The following SUGCT variants were observed in gnomAD, a reference collection of about 807,000 sequenced individuals.
SUGCT encodes the protein succinyl-CoA:glutarate CoA-transferase.
In SUGCT, 41 loss-of-function variants were observed where a neutral mutation model predicts 55.0. The observed-to-expected ratio is 0.74, with a 90% CI of 0.58 to 0.97. The LOEUF (loss-of-function observed/expected upper bound fraction) is 0.97. SUGCT is among the 50% of genes least tolerant of loss of function. The pLI, the probability that SUGCT is intolerant of heterozygous loss-of-function variation, is 0.00. For missense variants in SUGCT, 568 were observed against 547.8 expected (o/e 1.04, Z -0.37); for synonymous variants, 187 against 200.4 (o/e 0.93, Z 0.56).
At chr7:40,349,257 G>T (rs1797483832) in intron 9 of SUGCT, among the ~76,000 whole-genome samples, 1 of 152,206 alleles carries the variant, frequency 6.6e-6, no homozygotes, top group Non-Finnish European at 1.5e-5. Flanking sequence ...TTACAGGAGT[G>T]TGCAGGCTCA....
chr7:40,281,159 A>C (rs1792927571), intron 8 of SUGCT, among the ~76,000 whole-genome samples: 1 of 152,132 alleles, frequency 6.6e-6, no homozygotes, highest in African/African-American at 2.4e-5. Context: ...TGTACCCCTA[A>C]AGTCTTGTGG....
At chr7:40,713,661 T>C (rs1785850556) in intron 12 of SUGCT, among the ~76,000 whole-genome samples, 1 of 152,234 alleles carries the variant, frequency 6.6e-6, no homozygotes, top group Non-Finnish European at 1.5e-5. Flanking sequence ...GAGGTGGATG[T>C]AATTCCATCT....
At chr7:40,721,468 T>A (rs1326039951) in intron 12 of SUGCT, among the ~76,000 whole-genome samples, 1 of 152,210 alleles carries the variant, frequency 6.6e-6, no homozygotes, top group Non-Finnish European at 1.5e-5. Flanking sequence ...TGAGACATAA[T>A]GGTGAAATGC....
At chr7:40,383,648 A>G (rs894963095) in intron 9 of SUGCT, among the ~76,000 whole-genome samples, 1 of 152,148 alleles carries the variant, frequency 6.6e-6, no homozygotes, top group African/African-American at 2.4e-5. Context: ...ATATAGATAA[A>G]ATGTAGGAAT....
At chr7:40,317,568 A>G (rs1795508672) in intron 9 of SUGCT, among the ~76,000 whole-genome samples, 1 of 152,202 alleles carries the variant, frequency 6.6e-6, no homozygotes, top group Non-Finnish European at 1.5e-5. Context: ...ATCATTGTAT[A>G]TCTTCTCACA....
chr7:40,136,944 G>A (rs575757087), intron 1 of SUGCT, among the ~76,000 whole-genome samples: 1 of 151,882 alleles, frequency 6.6e-6, no homozygotes, highest in South Asian at 2.1e-4. Context: ...GCAGTGATCC[G>A]CTATTGTGCC....
chr7:40,457,810 C>T (rs1789572867), intron 10 of SUGCT, among the ~76,000 whole-genome samples: 1 of 152,108 alleles, frequency 6.6e-6, no homozygotes, highest in South Asian at 2.1e-4. Flanking sequence ...TTGGGTGAGG[C>T]CAGGTTTATA....
At chr7:40,982,112 T>A in the SUGCT span, among the ~76,000 whole-genome samples, 4 of 148,118 alleles carry the variant, frequency 2.7e-5, no homozygotes, top group South Asian at 4.2e-4. Flanking sequence ...ACAGAATTGC[T>A]TTGAAGAGTC....
the SUGCT span, among the ~76,000 whole-genome samples, chr7:41,008,150 A>C: frequency 1.3e-5 from 2 of 152,238 alleles, no homozygotes; most frequent in Non-Finnish European, 2.9e-5. Context: ...TGGGGGATGC[A>C]CAGAAATCCT....
chr7:40,339,048 G>T (rs1796889895), intron 9 of SUGCT, among the ~76,000 whole-genome samples: 1 of 152,206 alleles, frequency 6.6e-6, no homozygotes, highest in Non-Finnish European at 1.5e-5. Flanking sequence ...AGCAGTGGAG[G>T]CTACAGAACA....
chr7:40,588,992 T>A (rs1020320886), intron 12 of SUGCT, among the ~76,000 whole-genome samples: 1 of 152,218 alleles, frequency 6.6e-6, no homozygotes, highest in African/African-American at 2.4e-5. Flanking sequence ...AATAAATATA[T>A]AATTATACAT....
At chr7:40,779,939 A>T (rs542411822) in intron 13 of SUGCT, among the ~76,000 whole-genome samples, 4 of 152,310 alleles carry the variant, frequency 2.6e-5, no homozygotes, top group African/African-American at 9.6e-5. Flanking sequence ...GTTTTACCTG[A>T]TGGCTCTGTA....
At chr7:40,404,704 T>C (rs1349757445) in intron 9 of SUGCT, among the ~76,000 whole-genome samples, 1 of 152,216 alleles carries the variant, frequency 6.6e-6, no homozygotes, top group Admixed American at 6.5e-5. Context: ...CCCAAAGTGC[T>C]GGGTTTACAG....
chr7:40,878,671 G>A, the SUGCT span, among the ~76,000 whole-genome samples: 1 of 152,122 alleles, frequency 6.6e-6, no homozygotes, highest in Admixed American at 6.6e-5. Context: ...GTCTGGATGG[G>A]TGAATGTGGT....
rs182802107 is a variant in SUGCT at position 40,543,776 on chromosome 7, A to G, written c.1089+47390A>G. Among the ~76,000 whole-genome samples the G allele has an allele frequency of 1.2e-3, 177 of 152,348 alleles. 1 individual carries two copies. The highest frequency in any genetic ancestry group is 4.1e-3 in the African/African-American group (169 of 41,582). ...TAGAATGTTTTAGTTGTGATGTTCA[A>G]ATGGAACTAAAATTCCCCCAGTAGG... On this transcript the variant is annotated intron_variant, in intron 12 of 13. Coordinates refer to ENST00000335693, the MANE Select transcript of SUGCT (RefSeq NM_001193313.2).
At chr7:40,855,574 A>T (rs577274458) in intron 13 of SUGCT, among the ~76,000 whole-genome samples, 4 of 151,782 alleles carry the variant, frequency 2.6e-5, no homozygotes, top group African/African-American at 9.7e-5. Flanking sequence ...CACTTTTAAC[A>T]TCTTTTATTT....
intron 7 of SUGCT, among the ~76,000 whole-genome samples, chr7:40,272,893 C>T (rs1270136317): frequency 3.2e-5 from 4 of 126,516 alleles, no homozygotes; most frequent in Non-Finnish European, 5.1e-5. Flanking sequence ...CTCCTGACTT[C>T]AGGTGATCTA....
At chr7:41,008,351 G>C in the SUGCT span, among the ~76,000 whole-genome samples, 1 of 152,180 alleles carries the variant, frequency 6.6e-6, no homozygotes, top group Non-Finnish European at 1.5e-5. Context: ...TCTCCACTCG[G>C]TGGAGCCTGG....
chr7:40,879,604 T>C, the SUGCT span, among the ~76,000 whole-genome samples: 1 of 152,364 alleles, frequency 6.6e-6, no homozygotes, highest in South Asian at 2.1e-4. Flanking sequence ...CTTCAATGGT[T>C]ACATTTCTCC....
Sources: gnomAD v4.1 joint callset for allele counts (sites outside exome capture counted in the v4.1 genomes callset) on GRCh38, gnomAD v4.1.1 for gene constraint, MANE v1.5 for transcripts, NCBI Gene and HGNC (gene_info 2026-07-23, HGNC 2026-07-21) for gene names.